Variants in PDGFC observed in about 807,000 individuals in gnomAD.
PDGFC encodes the protein platelet-derived growth factor C.
Under a neutral mutation model 35.5 loss-of-function variants are expected in PDGFC, and 12 were observed. That is an observed-to-expected ratio of 0.34 (90% CI 0.22 to 0.55). PDGFC has a LOEUF of 0.55. PDGFC is among the 20% of genes least tolerant of loss of function. The pLI is 0.91. For missense variants in PDGFC, 322 were observed against 412.4 expected (o/e 0.78, Z 1.90); for synonymous variants, 159 against 148.8 (o/e 1.07, Z -0.50).
At chr4:156,826,115 T>C (rs142735272) in intron 2 of PDGFC, among the ~76,000 whole-genome samples, 120 of 146,106 alleles carry the variant, frequency 8.2e-4, no homozygotes, top group Middle Eastern at 3.5e-3. Context: ...TCCTCCCACA[T>C]TGGCCTCCCA....
Position 156,763,068 on chromosome 4 carries a change from A to G in PDGFC, c.*22T>C. 8.3e-7 allele frequency: 1 copy of G among 1,202,934 alleles called. No homozygotes were observed. The allele number at this position is 1,202,934 out of a possible 1,614,324, so 74.5% of individuals were successfully genotyped here. On this transcript the variant is annotated 3_prime_UTR_variant, in exon 6 of 6. Coordinates refer to ENST00000502773, the MANE Select transcript of PDGFC (RefSeq NM_016205.3). The stretch of plus-strand genomic sequence containing the variant: ...CCACTGCACTGCACAGCTCTGGGCA[A>G]GAGCTGCTGGTGGTGATGCGGCTAT...
chr4:156,785,090 A>C (rs911831204), intron 3 of PDGFC, among the ~76,000 whole-genome samples: 2 of 152,234 alleles, frequency 1.3e-5, no homozygotes, highest in Non-Finnish European at 2.9e-5. Context: ...TTGATCCCTA[A>C]CAGCTCAGGG....
At chr4:156,778,975 C>A (rs1730908665) in intron 3 of PDGFC, 1 of 299,790 alleles carries the variant, frequency 3.3e-6, no homozygotes. Flanking sequence ...ATAAAATGAT[C>A]AGGTGTTTAA....
intron 1 of PDGFC, among the ~76,000 whole-genome samples, chr4:156,956,746 T>TATATTATATATTTTGTA (rs1308057688): frequency 1.3e-4 from 20 of 152,184 alleles, no homozygotes; most frequent in African/African-American, 4.3e-4. Flanking sequence ...CCATGCTTAC[T>TATATTATATATTTTGTA]TAACATACTA....
intron 1 of PDGFC, among the ~76,000 whole-genome samples, chr4:156,919,387 T>C (rs918412698): frequency 6.6e-6 from 1 of 152,188 alleles, no homozygotes; most frequent in South Asian, 2.1e-4. Context: ...AAATAACTTA[T>C]CTGAAAGTCT....
chr4:156,807,901 A>G (rs1196832810), intron 3 of PDGFC, among the ~76,000 whole-genome samples: 1 of 152,088 alleles, frequency 6.6e-6, no homozygotes, highest in Non-Finnish European at 1.5e-5. Flanking sequence ...GATAATGTTA[A>G]CTGTATATAC....
intron 1 of PDGFC, among the ~76,000 whole-genome samples, chr4:156,881,814 C>T (rs547759491): frequency 2.1e-5 from 3 of 142,336 alleles, no homozygotes; most frequent in Non-Finnish European, 3.0e-5. Flanking sequence ...AGGGACACAG[C>T]GAGCCTCAGT....
chr4:156,822,220 G>A (rs190386895), intron 2 of PDGFC, among the ~76,000 whole-genome samples: 6 of 151,950 alleles, frequency 3.9e-5, no homozygotes, highest in African/African-American at 4.8e-5. Flanking sequence ...TTAGCCGGGC[G>A]TGGTGGTGGG....
chr4:156,945,342 C>T (rs866608949), intron 1 of PDGFC, among the ~76,000 whole-genome samples: 20 of 81,064 alleles, frequency 2.5e-4, no homozygotes, highest in South Asian at 8.4e-4. Flanking sequence ...CATATACATA[C>T]ATATATATAT....
intron 1 of PDGFC, among the ~76,000 whole-genome samples, chr4:156,948,393 T>A (rs530680438): frequency 1.3e-5 from 2 of 152,012 alleles, no homozygotes; most frequent in East Asian, 3.9e-4. Flanking sequence ...CTGCGGCCGC[T>A]TTGACTATAT....
intron 2 of PDGFC, among the ~76,000 whole-genome samples, chr4:156,829,403 A>T (rs1003134852): frequency 1.6e-4 from 24 of 152,322 alleles, no homozygotes; most frequent in Admixed American, 4.6e-4. Flanking sequence ...TGTAGCATGA[A>T]AAGGGAAATA....
At chr4:156,787,846 G>A (rs373721316) in intron 3 of PDGFC, among the ~76,000 whole-genome samples, 48 of 152,284 alleles carry the variant, frequency 3.2e-4, no homozygotes, top group Middle Eastern at 6.8e-3. Flanking sequence ...TTTTCTGATT[G>A]CTTGTAATCT....
intron 2 of PDGFC, among the ~76,000 whole-genome samples, chr4:156,820,819 A>T (rs769359590): frequency 5.9e-5 from 9 of 152,240 alleles, no homozygotes; most frequent in Non-Finnish European, 1.3e-4. Flanking sequence ...TAAAATTTCA[A>T]ATCAAGGTAA....
chr4:156,796,715 T>C (rs1731452777), intron 3 of PDGFC, among the ~76,000 whole-genome samples: 1 of 152,022 alleles, frequency 6.6e-6, no homozygotes, highest in African/African-American at 2.4e-5. Context: ...TGATTTAGCA[T>C]AGAGTTACTG....
rs79856227 is a variant in PDGFC at position 156,769,292 on chromosome 4, A to G, written c.704-1302T>C. On this transcript the variant is annotated intron_variant, in intron 4 of 5. Transcript: ENST00000502773. ...TTAAATTAAAAGCTAAGTTTTATTA[A>G]TTTTTAAGTGACAAGGTAAGAATCA... 7.3e-3 allele frequency among the ~76,000 whole-genome samples: 1,110 copies of G among 152,042 alleles called. 11 individuals carry two copies. Among genetic ancestry groups the G allele is most frequent in the Non-Finnish European group, 9.3e-3 (632 of 67,842 alleles).
intron 1 of PDGFC, among the ~76,000 whole-genome samples, chr4:156,893,242 C>T (rs965839117): frequency 1.3e-5 from 2 of 152,022 alleles, no homozygotes; most frequent in African/African-American, 4.8e-5. Flanking sequence ...CTCTTTATTA[C>T]ATTAAGTAGT....
At chr4:156,931,402 A>G (rs1400889657) in intron 1 of PDGFC, among the ~76,000 whole-genome samples, 1 of 152,194 alleles carries the variant, frequency 6.6e-6, no homozygotes. Flanking sequence ...ATGAAGGCTT[A>G]AGTCACCCAG....
At chr4:156,847,489 A>G (rs1228927749) in intron 2 of PDGFC, among the ~76,000 whole-genome samples, 2 of 151,876 alleles carry the variant, frequency 1.3e-5, no homozygotes, top group East Asian at 3.9e-4. Context: ...ACAGTCAGAG[A>G]TTCTAGGTGA....
intron 2 of PDGFC, among the ~76,000 whole-genome samples, chr4:156,818,714 G>A (rs1307563048): frequency 2.0e-5 from 3 of 151,970 alleles, no homozygotes; most frequent in Admixed American, 6.6e-5. Flanking sequence ...GTGTTAGCCA[G>A]GATGGTCTCG....
Sources: gnomAD v4.1 joint callset for allele counts (sites outside exome capture counted in the v4.1 genomes callset) on GRCh38, gnomAD v4.1.1 for gene constraint, MANE v1.5 for transcripts, NCBI Gene and HGNC (gene_info 2026-07-23, HGNC 2026-07-21) for gene names.